GRIA4: variants seen among roughly 807,000 people sequenced by gnomAD.
GRIA4 encodes the protein glutamate receptor 4.
In GRIA4, 34 loss-of-function variants were observed where a neutral mutation model predicts 104.0. The observed-to-expected ratio is 0.33, with a 90% CI of 0.25 to 0.44. The LOEUF (loss-of-function observed/expected upper bound fraction) is 0.44. Ranked by LOEUF, GRIA4 falls within the 20% of genes least tolerant of loss-of-function variation. GRIA4 has a pLI of 1.00. For missense variants in GRIA4, 750 were observed against 1,096.5 expected, an observed-to-expected ratio of 0.68 and a Z score of 4.46; for synonymous variants, 386 against 381.9, an observed-to-expected ratio of 1.01 and a Z score of -0.13.
intron 4 of GRIA4, among the ~76,000 whole-genome samples, chr11:105,844,677 G>A (rs1944518591): frequency 1.3e-5 from 2 of 152,192 alleles, no homozygotes; most frequent in Non-Finnish European, 2.9e-5. Context: ...AAAGTTTCAG[G>A]TAATGGTTCC....
At position 105,612,345 on chromosome 11, in the gene GRIA4, C is replaced by G; in HGVS notation, c.158C>G (p.Thr53Ser). The G allele has an allele frequency of 6.2e-7, 1 of 1,613,936 alleles. No individual in the cohort carries two copies. The highest frequency in any genetic ancestry group is 8.5e-7 in the Non-Finnish European group (1 of 1,179,788). Reference sequence around the variant, plus strand: ...CGATTAGCAATTTTTCTTCATAACACCAGCCCCAATGCGTCGGAAGCTCCT... The same window carrying G: ...CGATTAGCAATTTTTCTTCATAACAGCAGCCCCAATGCGTCGGAAGCTCCT... Reference protein sequence around the residue: ...AFRLAIFLHNTSPNASEAPFN... With the variant: ...AFRLAIFLHNSSPNASEAPFN... The change falls in exon 3 of 17, where the codon ACC (threonine) becomes AGC (serine). Residue 53 changes from threonine (T) to serine (S), a missense_variant. Thr to Ser is a moderately conservative substitution (Grantham distance 58, BLOSUM62 1). This residue lies in a region of GRIA4 where 410 missense variants were observed against 502.7 expected (regional missense o/e 0.82). Coordinates refer to ENST00000282499, the MANE Select transcript of GRIA4 (RefSeq NM_000829.4).
At chr11:105,632,372 A>C (rs1352448310) in intron 3 of GRIA4, among the ~76,000 whole-genome samples, 1 of 152,238 alleles carries the variant, frequency 6.6e-6, no homozygotes, top group Non-Finnish European at 1.5e-5. Flanking sequence ...TTCAAAGACC[A>C]TAGCACTGCT....
At chr11:105,775,050 C>T (rs915387759) in intron 4 of GRIA4, among the ~76,000 whole-genome samples, 3 of 152,128 alleles carry the variant, frequency 2.0e-5, no homozygotes, top group African/African-American at 7.2e-5. Flanking sequence ...TTCTCTGCCT[C>T]CTCAGGCTTC....
At chr11:105,656,600 G>A (rs1457389349) in intron 3 of GRIA4, among the ~76,000 whole-genome samples, 1 of 151,852 alleles carries the variant, frequency 6.6e-6, no homozygotes, top group East Asian at 1.9e-4. Context: ...TACAGAATGG[G>A]AAAAAAAATT....
At chr11:105,858,655 C>A (rs1362087002) in intron 4 of GRIA4, among the ~76,000 whole-genome samples, 1 of 152,046 alleles carries the variant, frequency 6.6e-6, no homozygotes, top group East Asian at 1.9e-4. Flanking sequence ...CATTTCCCTC[C>A]TCCCTCACTA....
chr11:105,658,975 T>C (rs970401508), intron 3 of GRIA4, among the ~76,000 whole-genome samples: 1 of 151,946 alleles, frequency 6.6e-6, no homozygotes, highest in Non-Finnish European at 1.5e-5. Context: ...ATTCAACTAG[T>C]AAACAGACAT....
At chr11:105,635,667 C>A (rs1316684441) in intron 3 of GRIA4, among the ~76,000 whole-genome samples, 1 of 152,146 alleles carries the variant, frequency 6.6e-6, no homozygotes, top group African/African-American at 2.4e-5. Flanking sequence ...TCAGTCCATG[C>A]GGAGCTTCCA....
chr11:105,964,021 T>C (rs1161268553), intron 14 of GRIA4, among the ~76,000 whole-genome samples: 1 of 152,192 alleles, frequency 6.6e-6, no homozygotes, highest in Non-Finnish European at 1.5e-5. Context: ...AGAATTTTAG[T>C]AGTTAACCTT....
intron 4 of GRIA4, among the ~76,000 whole-genome samples, chr11:105,819,815 C>T (rs547155109): frequency 3.9e-5 from 6 of 152,176 alleles, no homozygotes; most frequent in Admixed American, 1.3e-4. Flanking sequence ...GAAATTCTCA[C>T]CCTCATTACC....
chr11:105,698,077 A>G (rs754206869), intron 3 of GRIA4, among the ~76,000 whole-genome samples: 1 of 152,160 alleles, frequency 6.6e-6, no homozygotes, highest in African/African-American at 2.4e-5. Flanking sequence ...AGAAATAAGG[A>G]AAAAGAGTCC....
At chr11:105,624,479 T>C (rs1950834078) in intron 3 of GRIA4, among the ~76,000 whole-genome samples, 1 of 152,118 alleles carries the variant, frequency 6.6e-6, no homozygotes, top group Non-Finnish European at 1.5e-5. Context: ...TAGAGTCAAA[T>C]GTATAATGTT....
At chr11:105,678,654 T>G (rs1287274301) in intron 3 of GRIA4, among the ~76,000 whole-genome samples, 1 of 152,104 alleles carries the variant, frequency 6.6e-6, no homozygotes, top group Non-Finnish European at 1.5e-5. Context: ...CAAAATTAAT[T>G]TCTGAGTGTT....
intron 3 of GRIA4, among the ~76,000 whole-genome samples, chr11:105,623,053 G>GTGTATA (rs1162148034): frequency 7.0e-5 from 9 of 127,688 alleles, no homozygotes; most frequent in South Asian, 2.4e-4. Context: ...GTATTCCATT[G>GTGTATA]TATATATATA....
At chr11:105,788,063 C>T (rs17104549) in intron 4 of GRIA4, among the ~76,000 whole-genome samples, 7,334 of 152,028 alleles carry the variant, frequency 0.048, 429 homozygotes, top group African/African-American at 0.14. Flanking sequence ...TTGTTGACAA[C>T]AAAATAATGT....
At chr11:105,749,365 T>C (rs759457622) in intron 3 of GRIA4, among the ~76,000 whole-genome samples, 2 of 152,178 alleles carry the variant, frequency 1.3e-5, no homozygotes, top group Non-Finnish European at 2.9e-5. Context: ...GTCAGGAAAG[T>C]TCTTTGCTTT....
intron 3 of GRIA4, among the ~76,000 whole-genome samples, chr11:105,663,686 G>T (rs935630539): frequency 9.2e-5 from 14 of 151,828 alleles, no homozygotes; most frequent in African/African-American, 3.4e-4. Flanking sequence ...GCACTTAGAA[G>T]AACATAGAGA....
At chr11:105,874,229 A>T (rs1945731429) in intron 5 of GRIA4, among the ~76,000 whole-genome samples, 2 of 152,004 alleles carry the variant, frequency 1.3e-5, no homozygotes, top group Non-Finnish European at 2.9e-5. Context: ...ATGGTTGTAG[A>T]TGTATGGTGT....
At chr11:105,704,480 T>A (rs891562779) in intron 3 of GRIA4, among the ~76,000 whole-genome samples, 2 of 151,948 alleles carry the variant, frequency 1.3e-5, no homozygotes, top group African/African-American at 4.8e-5. Context: ...GAAATAGACA[T>A]CTGGACCAGA....
intron 4 of GRIA4, among the ~76,000 whole-genome samples, chr11:105,819,515 C>T (rs900309708): frequency 6.6e-6 from 1 of 152,006 alleles, no homozygotes; most frequent in Non-Finnish European, 1.5e-5. Flanking sequence ...TCTTAGGTAT[C>T]GTTGACAGTG....
Sources: gnomAD v4.1 joint callset for allele counts (sites outside exome capture counted in the v4.1 genomes callset) on GRCh38, gnomAD v4.1.1 for gene constraint, gnomAD v4.1.1 regional missense constraint, MANE v1.5 for transcripts, NCBI Gene and HGNC (gene_info 2026-07-23, HGNC 2026-07-21) for gene names.